The following GNG7 variants were observed in gnomAD, a reference collection of about 807,000 sequenced individuals.
GNG7 encodes guanine nucleotide-binding protein G(I)/G(S)/G(O) subunit gamma-7.
Under a neutral mutation model 4.0 loss-of-function variants are expected in GNG7, and 1 was observed. The observed-to-expected ratio is 0.25, with a 90% confidence interval of 0.09 to 1.18. The LOEUF (loss-of-function observed/expected upper bound fraction) is 1.18. Ranked by LOEUF, GNG7 falls within the 50% of genes most tolerant of loss-of-function variation. The pLI is 0.50. For missense variants in GNG7, 86 were observed against 91.9 expected, an observed-to-expected ratio of 0.94 and a Z score of 0.26; for synonymous variants, 34 against 36.9, an observed-to-expected ratio of 0.92 and a Z score of 0.29.
intron 3 of GNG7, among the ~76,000 whole-genome samples, chr19:2,548,045 CAT>C (rs1318469045): frequency 6.6e-6 from 1 of 152,186 alleles, no homozygotes. Context: ...TCACCAGTAT[CAT>C]GTGTGACATC....
rs1229197006 is a variant in GNG7, at chr19:2,651,245, TTTCCTTCC to T, written c.-134-4973_-134-4966del. 4.2e-3 allele frequency among the ~76,000 whole-genome samples: 368 copies of T among 87,208 alleles called. 2 individuals are homozygous for T. The highest frequency in any genetic ancestry group is 6.6e-3 in the Non-Finnish European group (267 of 40,576). The allele number at this position is 87,208 out of a possible 152,430, so 57.2% of individuals were successfully genotyped here. ...CCGACTTCCTTCCTTCCTTCCTTCC[TTTCCTTCC>T]TTCCTTCCTTCCTTCCTTCCCTCCC... On this transcript the variant is annotated intron_variant, in intron 1 of 4. Transcript: ENST00000382159.
At chr19:2,533,274 C>G (rs891733955) in intron 3 of GNG7, among the ~76,000 whole-genome samples, 2 of 149,550 alleles carry the variant, frequency 1.3e-5, no homozygotes, top group African/African-American at 2.4e-5. Context: ...ATAAATGCCT[C>G]TCAAAAATAA....
chr19:2,683,988 C>T (rs1568284291), intron 1 of GNG7, among the ~76,000 whole-genome samples: 1 of 152,130 alleles, frequency 6.6e-6, no homozygotes, highest in Non-Finnish European at 1.5e-5. Flanking sequence ...AAAATCCCAC[C>T]GGGCACAGAA....
intron 3 of GNG7, among the ~76,000 whole-genome samples, chr19:2,526,319 G>T (rs1345915809): frequency 6.6e-6 from 1 of 150,580 alleles, no homozygotes; most frequent in Non-Finnish European, 1.5e-5. Context: ...TGGCCAGGCT[G>T]GTCTCAAACG....
intron 2 of GNG7, among the ~76,000 whole-genome samples, chr19:2,561,689 C>T (rs1434111409): frequency 1.4e-5 from 2 of 147,954 alleles, no homozygotes; most frequent in African/African-American, 5.0e-5. Flanking sequence ...CCAGTCTGCC[C>T]AACATGGTGA....
chr19:2,637,531 A>G (rs1982349276), intron 2 of GNG7, among the ~76,000 whole-genome samples: 1 of 152,170 alleles, frequency 6.6e-6, no homozygotes. Context: ...AGCAAACAGG[A>G]GGTGCTCAAT....
Position 2,515,050 on chromosome 19 carries a change from T to G in GNG7, c.179A>C (p.Lys60Thr). Reference sequence around the variant, plus strand: ...TAAAATAATACAAGGTTTCTTGTCCTTAAAGGGGTTCTCCGAGGCAGGGAC... The same window carrying G: ...TAAAATAATACAAGGTTTCTTGTCCGTAAAGGGGTTCTCCGAGGCAGGGAC... ...VGVPASENPFKDKKPCIIL is the reference protein window; with the variant it reads ...VGVPASENPFTDKKPCIIL The change falls in exon 5 of 5, where the codon AAG becomes ACG. Residue 60 changes from lysine to threonine, a missense_variant. Lys to Thr is a moderately conservative substitution (Grantham distance 78). Transcript: ENST00000382159. The G allele has an allele frequency of 6.2e-7, 1 of 1,613,796 alleles. No individual in the cohort carries two copies. The highest frequency in any genetic ancestry group is 8.5e-7 in the Non-Finnish European group (1 of 1,179,856).
intron 2 of GNG7, among the ~76,000 whole-genome samples, chr19:2,641,088 G>C (rs996633169): frequency 4.3e-4 from 65 of 152,206 alleles, no homozygotes; most frequent in African/African-American, 1.4e-3. Context: ...GAAGGGACTC[G>C]GGTCCCGCAG....
chr19:2,620,466 G>A (rs1034866664), intron 2 of GNG7, among the ~76,000 whole-genome samples: 1 of 152,006 alleles, frequency 6.6e-6, no homozygotes, highest in Non-Finnish European at 1.5e-5. Context: ...CAGACCAACA[G>A]GATATTAAAA....
chr19:2,577,700 C>CAAAA (rs58623953), intron 2 of GNG7, among the ~76,000 whole-genome samples: 1 of 108,400 alleles, frequency 9.2e-6, no homozygotes, highest in Admixed American at 9.6e-5. Flanking sequence ...GATTCCATCT[C>CAAAA]AAAAAAAAAA....
intron 2 of GNG7, among the ~76,000 whole-genome samples, chr19:2,578,230 T>C (rs949424213): frequency 6.6e-6 from 1 of 152,104 alleles, no homozygotes; most frequent in African/African-American, 2.4e-5. Context: ...CTCAGAGATC[T>C]GCTGAGACAC....
At chr19:2,540,721 G>C (rs578235780) in intron 3 of GNG7, among the ~76,000 whole-genome samples, 1 of 152,330 alleles carries the variant, frequency 6.6e-6, no homozygotes, top group South Asian at 2.1e-4. Context: ...CAGCGGGACA[G>C]ACTGGCTTCC....
intron 2 of GNG7, among the ~76,000 whole-genome samples, chr19:2,578,500 C>T (rs990956595): frequency 6.6e-5 from 10 of 152,234 alleles, no homozygotes; most frequent in African/African-American, 2.4e-4. Flanking sequence ...AAGAGACTGC[C>T]CGTCCTGCAG....
intron 3 of GNG7, chr19:2,538,666 A>G (rs1456382582): frequency 2.2e-6 from 1 of 454,418 alleles, no homozygotes; most frequent in Admixed American, 2.5e-5. Context: ...CATATATTTT[A>G]CTTACAAGGT....
intron 2 of GNG7, among the ~76,000 whole-genome samples, chr19:2,558,820 G>T (rs1443248863): frequency 1.4e-5 from 2 of 139,808 alleles, no homozygotes; most frequent in South Asian, 2.2e-4. Context: ...TTTTTTTTGG[G>T]ACAGGTGTCA....
In GNG7 at chr19:2,695,545, G is replaced by A. The variant is rs1012559768; in HGVS notation, c.-135+7101C>T. On this transcript the variant is annotated intron_variant, in intron 1 of 4. Transcript: ENST00000382159. ...AGGAAGGAGCGTTTCAGACAAAGGA[G>A]ACAGCAACAGCAGCGTCCAGGAAAC... Among the ~76,000 whole-genome samples, 24 of 152,346 alleles carry A rather than the reference G, an allele frequency of 1.6e-4. 1 individual carries two copies. The highest frequency in any genetic ancestry group is 5.5e-4 in the African/African-American group (23 of 41,582).
chr19:2,615,964 C>A (rs754124413), intron 2 of GNG7, among the ~76,000 whole-genome samples: 2 of 152,208 alleles, frequency 1.3e-5, no homozygotes, highest in African/African-American at 2.4e-5. Flanking sequence ...TCCTTACGGG[C>A]CACCCCAGGA....
At chr19:2,675,059 T>C (rs1983560359) in intron 1 of GNG7, among the ~76,000 whole-genome samples, 1 of 152,210 alleles carries the variant, frequency 6.6e-6, no homozygotes, top group Admixed American at 6.5e-5. Context: ...CACTCGGGAC[T>C]GGTAATGTTT....
At chr19:2,694,469 G>A (rs1913198702) in intron 1 of GNG7, among the ~76,000 whole-genome samples, 1 of 151,640 alleles carries the variant, frequency 6.6e-6, no homozygotes, top group Admixed American at 6.6e-5. Flanking sequence ...GCAGTGCCCA[G>A]GACGGCCCCA....
Sources: allele counts gnomAD v4.1 joint callset (sites outside exome capture counted in the v4.1 genomes callset), GRCh38; gene constraint gnomAD v4.1.1; transcripts MANE v1.5; gene names NCBI Gene and HGNC (gene_info 2026-07-23, HGNC 2026-07-21).